Variants in TMEM255B observed in about 807,000 individuals in gnomAD.
TMEM255B encodes the protein family with sequence similarity 70, member B.
In TMEM255B, 35 loss-of-function variants were observed where a neutral mutation model predicts 34.5. The observed-to-expected ratio is 1.01, with a 90% CI of 0.77 to 1.34. TMEM255B has a LOEUF of 1.34. Ranked by LOEUF, TMEM255B falls within the 40% of genes most tolerant of loss-of-function variation. The probability of loss-of-function intolerance (pLI) is 0.00; values close to 1 mark genes in which losing one functional copy is unlikely to be tolerated. For missense variants in TMEM255B, 432 were observed against 433.2 expected (o/e 1.00, Z 0.02); for synonymous variants, 206 against 201.2 (o/e 1.02, Z -0.20).
chr13:113,799,621 G>C, intron 5 of TMEM255B: 1 of 636,718 alleles, frequency 1.6e-6, no homozygotes, highest in Non-Finnish European at 2.9e-6. Context: ...TCTGGAGTCA[G>C]AGTTCTGGAC....
At chr13:113,761,061 G>C (rs903883149) in intron 1 of TMEM255B, 6 of 460,152 alleles carry the variant, frequency 1.3e-5, no homozygotes, top group Non-Finnish European at 1.7e-5. Flanking sequence ...CACTACCCTG[G>C]GCATGTGTAA....
chr13:113,812,981 G>GTGGATCACAGA lies in TMEM255B; in HGVS notation c.*1079_*1080insGGATCACAGAT, dbSNP rs2051354410. On this transcript the variant is annotated 3_prime_UTR_variant, in exon 9 of 9. Transcript: ENST00000375353. ...GTCACGGGCCCCGGGTGGGTCACGG[G>GTGGATCACAGA]TCCCGGGTGGGTCACGGGTCCCGAG... 1.5e-5 allele frequency: 2 copies of GTGGATCACAGA among 133,636 alleles called. No homozygotes were observed. Among genetic ancestry groups the GTGGATCACAGA allele is most frequent in the Admixed American group, 7.4e-5 (1 of 13,498 alleles). 8.3% of individuals were successfully genotyped at this position (133,636 alleles called of 1,614,324 possible).
intron 4 of TMEM255B, among the ~76,000 whole-genome samples, chr13:113,797,907 G>A (rs1229235635): frequency 6.6e-6 from 1 of 152,240 alleles, no homozygotes; most frequent in Non-Finnish European, 1.5e-5. Flanking sequence ...CTTTGCAATG[G>A]TCAGTTTATG....
chr13:113,774,570 CAT>C (rs1160935646), intron 3 of TMEM255B, among the ~76,000 whole-genome samples: 3 of 143,964 alleles, frequency 2.1e-5, no homozygotes, highest in Admixed American at 6.8e-5. Context: ...ACACAACACA[CAT>C]GACACACACA....
In TMEM255B at chr13:113,786,186, CCCGCTGTCA is replaced by C. The variant is rs1467906256; in HGVS notation, c.253-8959_253-8951del. On this transcript the variant is annotated intron_variant, in intron 3 of 8. Coordinates refer to ENST00000375353, the MANE Select transcript of TMEM255B (RefSeq NM_182614.4). ...CACTGTCATCACAGTCTTTACTATCCCCGCTGTCACCATTGTCACCATCGTCACCATCCC... is the reference window on the plus strand; with the variant it reads ...CACTGTCATCACAGTCTTTACTATCCCCATTGTCACCATCGTCACCATCCC... Among the ~76,000 whole-genome samples, 3 of 151,802 alleles carry C rather than the reference CCCGCTGTCA, an allele frequency of 2.0e-5. No homozygotes were observed. In the East Asian group the frequency reaches 5.8e-4, roughly 29 times the overall value.
intron 1 of TMEM255B, among the ~76,000 whole-genome samples, chr13:113,759,704 C>T (rs1195919405): frequency 6.6e-6 from 1 of 152,186 alleles, no homozygotes; most frequent in Non-Finnish European, 1.5e-5. Context: ...CCATCTCTTC[C>T]GTTTATTCCA....
At chr13:113,803,599 A>T in intron 7 of TMEM255B, among the ~76,000 whole-genome samples, 1 of 118,998 alleles carries the variant, frequency 8.4e-6, no homozygotes, top group South Asian at 2.2e-4. Flanking sequence ...CCGCCAGCTC[A>T]GAGGCCTCCC....
chr13:113,779,468 T>G (rs909694451), intron 3 of TMEM255B, among the ~76,000 whole-genome samples: 2 of 152,054 alleles, frequency 1.3e-5, no homozygotes, highest in African/African-American at 2.4e-5. Context: ...AAGCACTCTC[T>G]GTTTTGGGGG....
At chr13:113,804,695 A>C (rs1032340092) in intron 7 of TMEM255B, among the ~76,000 whole-genome samples, 190 bp from the exon 8 acceptor site, 1 of 143,580 alleles carries the variant, frequency 7.0e-6, no homozygotes, top group Non-Finnish European at 1.5e-5. Context: ...GGCCGGGGTT[A>C]GCTCCAGCCT....
chr13:113,766,099 G>A lies in TMEM255B; in HGVS notation c.47-16G>A, dbSNP rs753413522. 28 of 1,613,606 alleles carry A rather than the reference G, an allele frequency of 1.7e-5. No homozygotes were observed. In the Admixed American group the frequency reaches 2.3e-4, roughly 13 times the overall value. The stretch of plus-strand genomic sequence containing the variant: ...CCTGAGCCCTCACTGACAGGTCCTC[G>A]CCTTCCTCCCCACAGAAGGGCTTTC... On this transcript the variant is annotated splice_polypyrimidine_tract_variant and intron_variant, in intron 1 of 8. Coordinates refer to ENST00000375353, the MANE Select transcript of TMEM255B (RefSeq NM_182614.4).
intron 3 of TMEM255B, among the ~76,000 whole-genome samples, chr13:113,774,543 T>C (rs551329488): frequency 6.7e-6 from 1 of 148,222 alleles, no homozygotes; most frequent in South Asian, 2.2e-4. Context: ...AACACATGCA[T>C]GCCACACACC....
At chr13:113,764,055 C>T (rs1427059938) in intron 1 of TMEM255B, among the ~76,000 whole-genome samples, 1 of 152,196 alleles carries the variant, frequency 6.6e-6, no homozygotes, top group African/African-American at 2.4e-5. Flanking sequence ...GGGGAGTGTC[C>T]TCCCCATCCA....
intron 1 of TMEM255B, among the ~76,000 whole-genome samples, chr13:113,761,587 C>A (rs1013226423): frequency 2.6e-5 from 4 of 152,200 alleles, no homozygotes; most frequent in Non-Finnish European, 4.4e-5. Context: ...TCTCAGAACT[C>A]CTCCTTGCAA....
chr13:113,794,962 G>C (rs531619753), intron 3 of TMEM255B, among the ~76,000 whole-genome samples, 186 bp from the exon 4 acceptor site: 1 of 152,252 alleles, frequency 6.6e-6, no homozygotes, highest in Non-Finnish European at 1.5e-5. Context: ...GAATAGACGC[G>C]TGAGGACGAC....
At chr13:113,797,402 T>G (rs1566738519) in intron 4 of TMEM255B, among the ~76,000 whole-genome samples, 3 of 152,318 alleles carry the variant, frequency 2.0e-5, no homozygotes, top group Admixed American at 2.0e-4. Flanking sequence ...TTCCAACTGT[T>G]GAGAGAGGCC....
In TMEM255B at chr13:113,805,289, C is replaced by G. The variant is rs149025509; in HGVS notation, c.813+261C>G. Among the ~76,000 whole-genome samples the G allele has an allele frequency of 6.9e-3, 1,056 of 152,302 alleles. 17 individuals carry two copies. The highest frequency in any genetic ancestry group is 0.024 in the African/African-American group (993 of 41,582). On this transcript the variant is annotated intron_variant, in intron 8 of 8. Transcript: ENST00000375353. ...GCTCTTCTGACCCCGGGGCTGGCCC[C>G]GCACAGGCCTGGGCAGCTCCCCGCT...
intron 7 of TMEM255B, among the ~76,000 whole-genome samples, chr13:113,804,180 G>A (rs2051120072): frequency 6.6e-6 from 1 of 152,366 alleles, no homozygotes; most frequent in East Asian, 1.9e-4. Context: ...CCCTCTGTAG[G>A]GGATGAGGCC....
At chr13:113,787,219 A>C (rs7400221) in intron 3 of TMEM255B, among the ~76,000 whole-genome samples, 62,877 of 152,182 alleles carry the variant, frequency 0.41, 14,318 homozygotes, top group East Asian at 0.72. Context: ...GAAGAGCTAC[A>C]TTGGGCATCT....
intron 3 of TMEM255B, among the ~76,000 whole-genome samples, chr13:113,771,421 C>A (rs920521823): frequency 6.6e-6 from 1 of 152,166 alleles, no homozygotes; most frequent in Admixed American, 6.5e-5. Context: ...GTGGCTCATG[C>A]CTGTAATCCT....
Sources: allele counts gnomAD v4.1 joint callset (sites outside exome capture counted in the v4.1 genomes callset), GRCh38; gene constraint gnomAD v4.1.1; transcripts MANE v1.5; gene names NCBI Gene and HGNC (gene_info 2026-07-23, HGNC 2026-07-21).